The following MUC12 variants were observed in gnomAD, a reference collection of about 807,000 sequenced individuals.
MUC12 encodes mucin-12.
Under a neutral mutation model 230.8 loss-of-function variants are expected in MUC12, and 172 were observed. The ratio of observed to expected loss-of-function variants is 0.75; its 90% CI spans 0.66 to 0.85. MUC12 has a LOEUF of 0.85. MUC12 is among the 40% of genes least tolerant of loss of function. The pLI is 0.00. For synonymous variants in MUC12, 1,259 were observed against 2,401.9 expected (o/e 0.52, Z 13.91); for missense variants, 3,506 against 5,920.6 (o/e 0.59, Z 13.38).
chr7:101,016,698 G>A (rs1019362198), intron 10 of MUC12, among the ~76,000 whole-genome samples: 1 of 142,112 alleles, frequency 7.0e-6, no homozygotes, highest in African/African-American at 2.5e-5. Flanking sequence ...GGCTGAGGGG[G>A]TGGGGGGAGG....
intron 1 of MUC12, among the ~76,000 whole-genome samples, chr7:100,985,043 T>C (rs2116286020): frequency 6.6e-6 from 1 of 152,084 alleles, no homozygotes; most frequent in East Asian, 1.9e-4. Context: ...ATTTTTGTAT[T>C]TTTAGTAGAG....
At position 100,995,390 on chromosome 7, in the gene MUC12, C is replaced by A. The variant is rs557113532; in HGVS notation, c.4827C>A (p.Ser1609Arg). ...GTCAGGAATCTACAGCTTCCCACAG[C>A]AGCCCAGGCTCCACAGACACAACAT... ...GVSQESTASH[S>R]SPGSTDTTLS... Residue 1609 changes from serine (S) to arginine (R), a missense_variant, in exon 2 of 12, where the codon AGC becomes AGA. Ser to Arg is a moderately radical substitution (Grantham distance 110, BLOSUM62 -1). Coordinates refer to ENST00000536621, the MANE Select transcript of MUC12 (RefSeq NM_001164462.2). 1.3e-6 allele frequency: 2 copies of A among 1,533,770 alleles called. No homozygotes were observed. Among genetic ancestry groups the A allele is most frequent in the South Asian group, 2.4e-5 (2 of 83,786 alleles).
At position 100,992,623 on chromosome 7, in the gene MUC12, C is replaced by G. The variant is rs562126852; in HGVS notation, c.2060C>G (p.Thr687Arg). The G allele has an allele frequency of 3.9e-6, 6 of 1,537,628 alleles. No homozygotes were observed. The highest frequency in any genetic ancestry group is 5.2e-6 in the Non-Finnish European group (6 of 1,146,966). The change falls in exon 2 of 12, where the codon ACG becomes AGG. Residue 687 changes from threonine (T) to arginine (R), a missense_variant. Physicochemically the swap from Thr to Arg is moderately conservative, Grantham distance 71. Coordinates refer to ENST00000536621, the MANE Select transcript of MUC12 (RefSeq NM_001164462.2). ...ACCTCAGGCCTCGTTGAAGAATCTA[C>G]GACCTACCACAGCAGCCCGGGCTCA... ...STTSGLVEES[T>R]TYHSSPGSTQ...
chr7:101,014,022 G>T lies in MUC12; in HGVS notation c.15748G>T (p.Ala5250Ser), dbSNP rs753222181. 35 of 1,536,772 alleles carry T rather than the reference G, an allele frequency of 2.3e-5. No individual in the cohort carries two copies. The highest frequency in any genetic ancestry group is 9.8e-5 in the East Asian group (4 of 40,912). ...GGCTGTGATGGCGGTGCTGCTGCTC[G>T]CATTGATCATCCTAATCATCTTATT... ...VGAVMAVLLLALIILIILFSL... is the reference protein window; with the variant it reads ...VGAVMAVLLLSLIILIILFSL... Residue 5250 changes from alanine to serine, a missense_variant, in exon 9 of 12, where the codon GCA becomes TCA. Coordinates refer to ENST00000536621, the MANE Select transcript of MUC12 (RefSeq NM_001164462.2).
chr7:101,018,563 C>T lies in MUC12; in HGVS notation c.15967-32C>T, dbSNP rs762595034. 69 of 1,535,832 alleles carry T rather than the reference C, an allele frequency of 4.5e-5. 1 individual carries two copies. The East Asian group carries it at 5.9e-4, about 13-fold the overall frequency. On this transcript the variant is annotated intron_variant, in intron 11 of 11. Coordinates refer to ENST00000536621, the MANE Select transcript of MUC12 (RefSeq NM_001164462.2). ...GGCTCCCCCTTTCCCGGGTCTGCCC[C>T]TTGGCCTCACCTCTTCTCTCCCGTC...
intron 1 of MUC12, among the ~76,000 whole-genome samples, chr7:100,985,698 G>T (rs973354205): frequency 6.6e-6 from 1 of 152,140 alleles, no homozygotes; most frequent in East Asian, 1.9e-4. Flanking sequence ...TTTCCTGTGG[G>T]TGCAGAAAGG....
chr7:100,971,914 C>T (rs1183521857), intron 1 of MUC12, among the ~76,000 whole-genome samples: 20 of 152,418 alleles, frequency 1.3e-4, no homozygotes, highest in African/African-American at 4.6e-4. Flanking sequence ...CCCCAAGCAA[C>T]CAAAAACCCC....
chr7:101,014,449 A>T (rs549787985), intron 9 of MUC12: 1 of 168,372 alleles, frequency 5.9e-6, no homozygotes, highest in Non-Finnish European at 1.3e-5. Context: ...TCTGCAGCAC[A>T]TGGACAGAGA....
intron 1 of MUC12, among the ~76,000 whole-genome samples, chr7:100,982,196 G>A (rs540386349): frequency 6.6e-6 from 1 of 152,016 alleles, no homozygotes; most frequent in Admixed American, 6.6e-5. Context: ...GGCACAGTTG[G>A]GATCATGGCT....
chr7:100,990,533 G>A (rs947203859), intron 1 of MUC12, 98 bp from the exon 2 acceptor site: 11 of 1,409,000 alleles, frequency 7.8e-6, no homozygotes, highest in African/African-American at 1.4e-5. Context: ...GGGCTGACCA[G>A]GTGTCTTCCA....
chr7:100,981,771 C>T (rs1793110728), intron 1 of MUC12, among the ~76,000 whole-genome samples: 1 of 152,090 alleles, frequency 6.6e-6, no homozygotes, highest in Non-Finnish European at 1.5e-5. Flanking sequence ...TCTTTGGGTC[C>T]CTCAGTGGCC....
intron 3 of MUC12, among the ~76,000 whole-genome samples, chr7:101,006,939 C>T (rs190608398): frequency 5.9e-5 from 9 of 152,198 alleles, no homozygotes; most frequent in East Asian, 3.9e-4. Context: ...AACAATCCTA[C>T]GGTACTATTT....
intron 6 of MUC12, 77 bp from the exon 7 acceptor site, chr7:101,012,740 AAG>A (rs1332940729): frequency 6.9e-7 from 1 of 1,454,782 alleles, no homozygotes; most frequent in Non-Finnish European, 9.3e-7. Context: ...CATGGTATAG[AAG>A]AGAGAGGCCT....
Position 100,991,683 on chromosome 7 carries a change from C to G in MUC12, c.1120C>G (p.Pro374Ala). ...SPGSTQTMHFPESSTTSGHSE... is the reference protein window; with the variant it reads ...SPGSTQTMHFAESSTTSGHSE... ...GGGCTCAACTCAAACAATGCACTTCCCTGAAAGCTCCACAACTTCAGGCCA... is the reference window on the plus strand; with the variant it reads ...GGGCTCAACTCAAACAATGCACTTCGCTGAAAGCTCCACAACTTCAGGCCA... Residue 374 changes from proline to alanine, a missense_variant, in exon 2 of 12, where the codon CCT (proline) becomes GCT (alanine). Physicochemically the swap from Pro to Ala is conservative, Grantham distance 27. Coordinates refer to ENST00000536621, the MANE Select transcript of MUC12 (RefSeq NM_001164462.2). The G allele has an allele frequency of 6.5e-7, 1 of 1,537,448 alleles. No homozygotes were observed. Among genetic ancestry groups the G allele is most frequent in the Non-Finnish European group, 8.7e-7 (1 of 1,146,898 alleles).
chr7:101,014,360 G>A, intron 9 of MUC12: 1 of 278,226 alleles, frequency 3.6e-6, no homozygotes, highest in Non-Finnish European at 6.7e-6. Context: ...TCACAGTTCT[G>A]GAGGCTGGGA....
In MUC12 at chr7:100,992,063, C is replaced by A; in HGVS notation, c.1500C>A (p.Pro500=). 1.3e-6 allele frequency: 2 copies of A among 1,536,996 alleles called. No individual in the cohort carries two copies. Among genetic ancestry groups the A allele is most frequent in the South Asian group, 2.4e-5 (2 of 84,046 alleles). ...SEKSTTFYSS[P]RSPDTTHLPA... Reference sequence around the variant, plus strand: ...AATCTACCACTTTCTACAGTAGCCCCAGATCACCAGACACAACACACTTAC... The same window carrying A: ...AATCTACCACTTTCTACAGTAGCCCAAGATCACCAGACACAACACACTTAC... Residue 500 remains proline (P), a synonymous_variant, in exon 2 of 12, where the codon CCC becomes CCA. Coordinates refer to ENST00000536621, the MANE Select transcript of MUC12 (RefSeq NM_001164462.2).
intron 1 of MUC12, among the ~76,000 whole-genome samples, chr7:100,976,602 T>TA (rs35732333): frequency 8.9e-4 from 133 of 148,750 alleles, no homozygotes; most frequent in Middle Eastern, 3.5e-3. Flanking sequence ...AGACTCTTTA[T>TA]AAAAAAAAAA....
chr7:101,012,120 C>A (rs1584847305), intron 5 of MUC12, among the ~76,000 whole-genome samples, 176 bp from the exon 6 acceptor site: 2 of 152,232 alleles, frequency 1.3e-5, no homozygotes, highest in East Asian at 3.9e-4. Flanking sequence ...GATCTTGAAT[C>A]GTTTCGCTCT....
At chr7:100,971,275 ACT>A (rs1792886399) in intron 1 of MUC12, among the ~76,000 whole-genome samples, 1 of 144,706 alleles carries the variant, frequency 6.9e-6, no homozygotes, top group Non-Finnish European at 1.5e-5. Flanking sequence ...CTGAGAGATG[ACT>A]CTGACCCGCT....
Sources: allele counts gnomAD v4.1 joint callset (sites outside exome capture counted in the v4.1 genomes callset), GRCh38; gene constraint gnomAD v4.1.1; transcripts MANE v1.5; gene names NCBI Gene and HGNC (gene_info 2026-07-23, HGNC 2026-07-21).